Variants in SNTA1 observed in about 807,000 individuals in gnomAD.
The protein encoded by SNTA1 is syntrophin alpha 1.
Under a neutral mutation model 47.1 loss-of-function variants are expected in SNTA1, and 31 were observed. That is an observed-to-expected ratio of 0.66 (90% CI 0.49 to 0.89). The LOEUF is 0.89. Ranked by LOEUF, SNTA1 falls within the 40% of genes least tolerant of loss-of-function variation. SNTA1 has a pLI of 0.00. For missense variants in SNTA1, 575 were observed against 693.0 expected (o/e 0.83, Z 1.91); for synonymous variants, 300 against 313.6 (o/e 0.96, Z 0.46).
Position 33,418,617 on chromosome 20 carries a change from A to G in SNTA1, c.497-694T>C, listed in dbSNP as rs141226211. 8.7e-3 allele frequency among the ~76,000 whole-genome samples: 1,302 copies of G among 150,348 alleles called. 12 individuals carry two copies. The highest frequency in any genetic ancestry group is 0.029 in the African/African-American group (1,190 of 40,814). On this transcript the variant is annotated intron_variant, in intron 2 of 7. Transcript: ENST00000217381. Reference sequence around the variant, plus strand: ...AAACCAGCCTGACCAACATGGTGAAACCCCGTCTCTACTGAAAATACAAAA... The same window carrying G: ...AAACCAGCCTGACCAACATGGTGAAGCCCCGTCTCTACTGAAAATACAAAA...
chr20:33,423,960 G>T (rs1377082314), intron 2 of SNTA1, among the ~76,000 whole-genome samples: 1 of 152,098 alleles, frequency 6.6e-6, no homozygotes, highest in African/African-American at 2.4e-5. Flanking sequence ...CAGAATGTCA[G>T]TTCCCGGAGA....
intron 2 of SNTA1, among the ~76,000 whole-genome samples, chr20:33,437,286 G>T (rs935627974): frequency 1.3e-5 from 2 of 151,276 alleles, no homozygotes; most frequent in African/African-American, 2.4e-5. Flanking sequence ...AATTAACCAG[G>T]TGTGGTGGCA....
intron 2 of SNTA1, among the ~76,000 whole-genome samples, chr20:33,428,913 C>T (rs1378994014): frequency 2.0e-5 from 3 of 151,782 alleles, no homozygotes; most frequent in South Asian, 2.1e-4. Flanking sequence ...TGGTGGCAGG[C>T]GCCTATAATC....
rs112108236 is a variant in SNTA1, at chr20:33,409,017, G to A, written c.1238-129C>T. The A allele has an allele frequency of 6.1e-3, 4,920 of 805,196 alleles. 160 individuals are homozygous for A. In the African/African-American group the frequency reaches 0.071, roughly 12 times the overall value. The allele number at this position is 805,196 out of a possible 1,614,324, so 49.9% of individuals were successfully genotyped here. A position where few individuals can be genotyped will look rare whatever the true frequency, so the allele number is the denominator to read the frequency against. Reference sequence around the variant, plus strand: ...AGGGATGGGAGGCTCACTGTTTGTCGTGGCACCAGTACACCCACCCTGCAG... The same window carrying A: ...AGGGATGGGAGGCTCACTGTTTGTCATGGCACCAGTACACCCACCCTGCAG... On this transcript the variant is annotated intron_variant, in intron 6 of 7. Transcript: ENST00000217381.
intron 2 of SNTA1, among the ~76,000 whole-genome samples, chr20:33,427,091 A>C (rs1394069618): frequency 1.3e-5 from 2 of 151,922 alleles, no homozygotes; most frequent in East Asian, 3.9e-4. Flanking sequence ...GCCAATTTAA[A>C]AATAAATAAA....
chr20:33,443,271 C>G (rs1469742572), intron 1 of SNTA1, 40 bp downstream of exon 1: 1 of 1,464,218 alleles, frequency 6.8e-7, no homozygotes, highest in Non-Finnish European at 9.1e-7. Context: ...CGGCTGCCCC[C>G]AGACACCACG....
At chr20:33,429,044 A>G (rs1454484220) in intron 2 of SNTA1, among the ~76,000 whole-genome samples, 1 of 151,366 alleles carries the variant, frequency 6.6e-6, no homozygotes, top group Non-Finnish European at 1.5e-5. Context: ...CGGTCTCAAA[A>G]AAAACAAAAA....
intron 3 of SNTA1, among the ~76,000 whole-genome samples, chr20:33,416,119 C>G (rs1380440734): frequency 6.6e-6 from 1 of 152,144 alleles, no homozygotes; most frequent in East Asian, 1.9e-4. Context: ...AAAACAAAAA[C>G]AAAGGCTCTT....
In SNTA1 at chr20:33,412,779, A is replaced by G; in HGVS notation, c.705T>C (p.Tyr235=). 1 of 1,606,406 alleles carries G rather than the reference A, an allele frequency of 6.2e-7. No homozygotes were observed. Among genetic ancestry groups the G allele is most frequent in the Non-Finnish European group, 8.5e-7 (1 of 1,176,770 alleles). ...GACCATCTGCCGAGCAGATCTCCAG[A>G]TACCTGCAGGCACAAATGGGTGGAG... is the stretch of plus-strand genomic sequence containing the variant. ...RCTPNDPEPR[Y]LEICSADGQD... Residue 235 remains tyrosine (Y), a synonymous_variant, in exon 4 of 8, where the codon TAT becomes TAC. Coordinates refer to ENST00000217381, the MANE Select transcript of SNTA1 (RefSeq NM_003098.3).
At chr20:33,417,567 A>C (rs1568751119) in intron 3 of SNTA1, 152 bp downstream of exon 3, 1 of 666,444 alleles carries the variant, frequency 1.5e-6, no homozygotes, top group Non-Finnish European at 2.7e-6. Context: ...CCATGGCTTC[A>C]CTCAGGCTTC....
Position 33,408,850 on chromosome 20 carries a change from G to T in SNTA1, c.1276C>A (p.His426Asn). Residue 426 changes from histidine (H) to asparagine (N), a missense_variant, in exon 7 of 8, where the codon CAC becomes AAC. His to Asn is a moderately conservative substitution (Grantham distance 68). Coordinates refer to ENST00000217381, the MANE Select transcript of SNTA1 (RefSeq NM_003098.3). Reference sequence around the variant, plus strand: ...CACAGTGTGAAGCCCTTGTCGATGTGCACAGACAGGCTGCAGGGACGCCCA... The same window carrying T: ...CACAGTGTGAAGCCCTTGTCGATGTTCACAGACAGGCTGCAGGGACGCCCA... Reference protein sequence around the residue: ...WNGRPCSLSVHIDKGFTLWAA... With the variant: ...WNGRPCSLSVNIDKGFTLWAA... 6.2e-7 allele frequency: 1 copy of T among 1,614,168 alleles called. No individual in the cohort carries two copies. The highest frequency in any genetic ancestry group is 8.5e-7 in the Non-Finnish European group (1 of 1,180,036).
chr20:33,408,165 G>T lies in SNTA1; in HGVS notation c.*342C>A. The T allele has an allele frequency of 8.2e-6, 3 of 366,034 alleles. No homozygotes were observed. The highest frequency in any genetic ancestry group is 7.8e-5 in the South Asian group (3 of 38,494). The allele number at this position is 366,034 out of a possible 1,614,324, so 22.7% of individuals were successfully genotyped here. A position where few individuals can be genotyped will look rare whatever the true frequency, so the allele number is the denominator to read the frequency against. ...CCTCTGGGGGTGGCTTAGGGGCCTC[G>T]AGGAGGCCCGGCAGCTCAGCTGTTG... On this transcript the variant is annotated 3_prime_UTR_variant, in exon 8 of 8. Transcript: ENST00000217381.
rs142222863 is a variant in SNTA1, at chr20:33,415,263, CAT to C, written c.701+2454_701+2455del. On this transcript the variant is annotated intron_variant, in intron 3 of 7. Transcript: ENST00000217381. ...ATCTACACGTGCGCACACTTAGAAA[CAT>C]ATACACACGTTTCAGGTAATGTCTG... Among the ~76,000 whole-genome samples, 1,317 of 152,326 alleles carry C rather than the reference CAT, an allele frequency of 8.6e-3. 11 individuals are homozygous for C. The highest frequency in any genetic ancestry group is 0.029 in the African/African-American group (1,201 of 41,570).
At chr20:33,414,245 CAAAAAAAAAAAA>C (rs56186098) in intron 3 of SNTA1, among the ~76,000 whole-genome samples, 35 of 29,266 alleles carry the variant, frequency 1.2e-3, no homozygotes, top group African/African-American at 3.5e-3. Flanking sequence ...TCTCAAAAAC[CAAAAAAAAAAAA>C]AAAAAAAAAA....
In SNTA1 at chr20:33,439,232, G is replaced by A. The variant is rs190367618; in HGVS notation, c.311-206C>T. On this transcript the variant is annotated intron_variant, in intron 1 of 7. Coordinates refer to ENST00000217381, the MANE Select transcript of SNTA1 (RefSeq NM_003098.3). ...TAATAAATCATTTTTGATTAGGTCC[G>A]GTGGCTCATGCCTGTAATCCCAGCA... 2.8e-3 allele frequency among the ~76,000 whole-genome samples: 420 copies of A among 152,274 alleles called. 2 individuals carry two copies. The highest frequency in any genetic ancestry group is 8.6e-3 in the African/African-American group (356 of 41,552).
In SNTA1 at chr20:33,407,979, G is replaced by C. The variant is rs1989634234; in HGVS notation, c.*528C>G. ...ATACACTGGGCCGGGCTGCCTGTGT[G>C]CTCACAGGCTGTTTATTTATCCAAG... On this transcript the variant is annotated 3_prime_UTR_variant, in exon 8 of 8. Coordinates refer to ENST00000217381, the MANE Select transcript of SNTA1 (RefSeq NM_003098.3). 1 of 202,876 alleles carries C rather than the reference G, an allele frequency of 4.9e-6. No homozygotes were observed. The highest frequency in any genetic ancestry group is 5.3e-5 in the Admixed American group (1 of 18,982). The allele number at this position is 202,876 out of a possible 1,614,324, so 12.6% of individuals were successfully genotyped here.
Position 33,412,787 on chromosome 20 carries a change from AG to A in SNTA1, c.702-6del, listed in dbSNP as rs754763466. Reference sequence around the variant, plus strand: ...GCCGAGCAGATCTCCAGATACCTGCAGGCACAAATGGGTGGAGACAAGGACC... The same window carrying A: ...GCCGAGCAGATCTCCAGATACCTGCAGCACAAATGGGTGGAGACAAGGACC... On this transcript the variant is annotated splice_region_variant and splice_polypyrimidine_tract_variant and intron_variant, in intron 3 of 7. Coordinates refer to ENST00000217381, the MANE Select transcript of SNTA1 (RefSeq NM_003098.3). 6.3e-7 allele frequency: 1 copy of A among 1,598,900 alleles called. No individual in the cohort carries two copies. The highest frequency in any genetic ancestry group is 1.3e-5 in the African/African-American group (1 of 74,658).
rs1458397597 is a variant in SNTA1 at position 33,443,340 on chromosome 20, T to G, written c.281A>C (p.Asp94Ala). ...QRRRVTVRKA[D>A]AGGLGISIKG... Reference sequence around the variant, plus strand: ...GATGCTGATGCCCAGCCCACCGGCGTCGGCCTTGCGCACCGTCACGCGGCG... The same window carrying G: ...GATGCTGATGCCCAGCCCACCGGCGGCGGCCTTGCGCACCGTCACGCGGCG... Residue 94 changes from aspartate (D) to alanine (A), a missense_variant, in exon 1 of 8, where the codon GAC becomes GCC. By Grantham distance (126) the Asp-to-Ala change is moderately radical (BLOSUM62 -2). Transcript: ENST00000217381. 1 of 1,495,214 alleles carries G rather than the reference T, an allele frequency of 6.7e-7. No individual in the cohort carries two copies. 92.6% of individuals were successfully genotyped at this position (1,495,214 alleles called of 1,614,324 possible).
chr20:33,435,271 C>T (rs1250499929), intron 2 of SNTA1, among the ~76,000 whole-genome samples: 7 of 149,620 alleles, frequency 4.7e-5, no homozygotes, highest in East Asian at 2.1e-4. Flanking sequence ...GGATTACAGG[C>T]GTGAGTCACA....
Sources: gnomAD v4.1 joint callset for allele counts (sites outside exome capture counted in the v4.1 genomes callset) on GRCh38, gnomAD v4.1.1 for gene constraint, MANE v1.5 for transcripts, NCBI Gene and HGNC (gene_info 2026-07-23, HGNC 2026-07-21) for gene names.